Variants in ITSN1 observed in about 807,000 individuals in gnomAD.
ITSN1 encodes the protein intersectin-1.
Under a neutral mutation model 239.8 loss-of-function variants are expected in ITSN1, and 58 were observed. That is an observed-to-expected ratio of 0.24 (90% CI 0.20 to 0.30). ITSN1 has a LOEUF of 0.30. Ranked by LOEUF, ITSN1 falls within the 10% of genes least tolerant of loss-of-function variation. The probability of loss-of-function intolerance (pLI) is 1.00; values close to 1 mark genes in which losing one functional copy is unlikely to be tolerated. For synonymous variants in ITSN1, 780 were observed against 770.8 expected (o/e 1.01, Z -0.20); for missense variants, 1,558 against 2,103.3 (o/e 0.74, Z 5.07).
intron 3 of ITSN1, 131 bp downstream of exon 3, chr21:33,721,401 T>A: frequency 1.6e-6 from 1 of 623,980 alleles, no homozygotes; most frequent in Non-Finnish European, 2.8e-6. Context: ...CCTAACCTTG[T>A]GCCTGTCCTT....
intron 20 of ITSN1, among the ~76,000 whole-genome samples, chr21:33,806,717 C>T (rs984778127): frequency 1.3e-5 from 2 of 152,178 alleles, no homozygotes; most frequent in Non-Finnish European, 2.9e-5. Flanking sequence ...CCCCCAAATA[C>T]GTTGGGGTGT....
intron 1 of ITSN1, among the ~76,000 whole-genome samples, chr21:33,670,604 A>G (rs971673048): frequency 6.6e-6 from 1 of 152,182 alleles, no homozygotes; most frequent in African/African-American, 2.4e-5. Context: ...CAGTGCATAC[A>G]TGCATGAATC....
At chr21:33,786,715 G>A (rs1005024257) in intron 16 of ITSN1, among the ~76,000 whole-genome samples, 1 of 152,232 alleles carries the variant, frequency 6.6e-6, no homozygotes, top group African/African-American at 2.4e-5. Context: ...AACGGAGCTA[G>A]ATTTTATGTT....
At chr21:33,885,318 G>A in intron 37 of ITSN1, 121 bp from the exon 38 acceptor site, 3 of 1,081,536 alleles carry the variant, frequency 2.8e-6, no homozygotes, top group Non-Finnish European at 4.2e-6. Context: ...AAGTGTTTAA[G>A]GAGAGGGAAG....
At chr21:33,680,633 G>A (rs945270260) in intron 1 of ITSN1, among the ~76,000 whole-genome samples, 1 of 152,182 alleles carries the variant, frequency 6.6e-6, no homozygotes, top group Non-Finnish European at 1.5e-5. Flanking sequence ...GCGTGGCCTG[G>A]TGCCATACTT....
chr21:33,755,781 A>G (rs1246819616), intron 8 of ITSN1, among the ~76,000 whole-genome samples: 2 of 152,088 alleles, frequency 1.3e-5, no homozygotes, highest in African/African-American at 4.8e-5. Flanking sequence ...CAGGCAGGGT[A>G]AAAGCAGGGA....
At chr21:33,769,778 C>T (rs531152477) in intron 11 of ITSN1, among the ~76,000 whole-genome samples, 1 of 152,060 alleles carries the variant, frequency 6.6e-6, no homozygotes, top group South Asian at 2.1e-4. Context: ...TCACTGCAGC[C>T]TCCGCCTCCT....
chr21:33,718,997 T>G, intron 2 of ITSN1, 141 bp downstream of exon 2: 1 of 682,142 alleles, frequency 1.5e-6, no homozygotes, highest in Non-Finnish European at 2.5e-6. Flanking sequence ...TTTCATTAAT[T>G]ATCAACTCAT....
chr21:33,818,209 C>A, intron 22 of ITSN1, 58 bp from the exon 23 acceptor site: 2 of 1,450,226 alleles, frequency 1.4e-6, no homozygotes, highest in East Asian at 2.3e-5. Flanking sequence ...CTCACGTCTG[C>A]CCTAATTGAT....
chr21:33,715,090 A>G (rs2147008298), intron 1 of ITSN1, among the ~76,000 whole-genome samples: 1 of 152,298 alleles, frequency 6.6e-6, no homozygotes, highest in Middle Eastern at 3.4e-3. Context: ...AATAATCTTT[A>G]CTAAAATACA....
intron 20 of ITSN1, among the ~76,000 whole-genome samples, chr21:33,806,680 C>T (rs1026565975): frequency 8.5e-5 from 13 of 152,182 alleles, no homozygotes; most frequent in African/African-American, 2.2e-4. Context: ...GTTTGTACTT[C>T]GCTTAAATGA....
chr21:33,878,827 C>G (rs1232839737), intron 34 of ITSN1, among the ~76,000 whole-genome samples: 1 of 152,200 alleles, frequency 6.6e-6, no homozygotes, highest in Non-Finnish European at 1.5e-5. Context: ...CGGCTCAGTA[C>G]TAAACCCTGG....
intron 37 of ITSN1, 69 bp from the exon 38 acceptor site, chr21:33,885,370 A>T: frequency 7.3e-7 from 1 of 1,371,526 alleles, no homozygotes; most frequent in Non-Finnish European, 1.0e-6. Flanking sequence ...ATGCATTGTG[A>T]GGCTCACAGA....
chr21:33,803,200 A>G (rs1016529027), intron 20 of ITSN1, among the ~76,000 whole-genome samples: 1 of 152,278 alleles, frequency 6.6e-6, no homozygotes, highest in Non-Finnish European at 1.5e-5. Context: ...AGGACAGTGG[A>G]TATAATATAC....
rs558842783 is a variant in ITSN1 at position 33,788,829 on chromosome 21, A to G, written c.1825-5512A>G. 2.0e-5 allele frequency among the ~76,000 whole-genome samples: 3 copies of G among 152,310 alleles called. No individual in the cohort carries two copies. The South Asian group carries it at 6.2e-4, about 32-fold the overall frequency. On this transcript the variant is annotated intron_variant, in intron 16 of 39. Coordinates refer to ENST00000381318, the MANE Select transcript of ITSN1 (RefSeq NM_003024.3). ...AGAATGAATAAATGTAGCCTGGTACAGTGACATATATCTCAGGAGGCTGAG... is the reference window on the plus strand; with the variant it reads ...AGAATGAATAAATGTAGCCTGGTACGGTGACATATATCTCAGGAGGCTGAG...
chr21:33,870,918 C>T (rs1276213785), intron 33 of ITSN1, among the ~76,000 whole-genome samples: 1 of 152,200 alleles, frequency 6.6e-6, no homozygotes, highest in Admixed American at 6.5e-5. Context: ...TGCACCTGCA[C>T]TCTAATCCCC....
At chr21:33,859,938 C>G (rs1252719607) in intron 31 of ITSN1, among the ~76,000 whole-genome samples, 1 of 152,202 alleles carries the variant, frequency 6.6e-6, no homozygotes, top group Non-Finnish European at 1.5e-5. Context: ...CACCCTTGGG[C>G]TCACATCCGC....
chr21:33,775,093 A>G lies in ITSN1; in HGVS notation c.1581A>G (p.Leu527=), dbSNP rs1167869864. The G allele has an allele frequency of 6.2e-7, 1 of 1,612,672 alleles. No homozygotes were observed. The highest frequency in any genetic ancestry group is 2.2e-5 in the East Asian group (1 of 44,868). ...RELRIAEITH[L]QQQLQESQQM... ...TGAGAATTGCCGAAATCACCCATCT[A>G]CAGCAACAATTACAGGTGAGGAAAT... The change falls in exon 14 of 40, where the codon CTA becomes CTG. Residue 527 remains leucine (L), a synonymous_variant. Coordinates refer to ENST00000381318, the MANE Select transcript of ITSN1 (RefSeq NM_003024.3).
rs116911814 is a variant in ITSN1, at chr21:33,741,615, G to A, written c.346+6411G>A. On this transcript the variant is annotated intron_variant, in intron 5 of 39. Coordinates refer to ENST00000381318, the MANE Select transcript of ITSN1 (RefSeq NM_003024.3). ...TTGTTTTTAAAAATGAAAATAGGCCGGGCGCAGTGACTCACGCCTGTAATC... is the reference window on the plus strand; with the variant it reads ...TTGTTTTTAAAAATGAAAATAGGCCAGGCGCAGTGACTCACGCCTGTAATC... Among the ~76,000 whole-genome samples, 510 of 152,078 alleles carry A rather than the reference G, an allele frequency of 3.4e-3. 2 individuals are homozygous for A. Among genetic ancestry groups the A allele is most frequent in the Non-Finnish European group, 4.1e-3 (280 of 67,994 alleles).
Sources: gnomAD v4.1 joint callset for allele counts (sites outside exome capture counted in the v4.1 genomes callset) on GRCh38, gnomAD v4.1.1 for gene constraint, MANE v1.5 for transcripts, NCBI Gene and HGNC (gene_info 2026-07-23, HGNC 2026-07-21) for gene names.